Variants in MED15 observed in about 807,000 individuals in gnomAD.
MED15 encodes mediator complex subunit 15.
MED15 carries 41 observed loss-of-function variants against 118.7 expected under a neutral mutation model. That is an observed-to-expected ratio of 0.35 (90% CI 0.27 to 0.45). The LOEUF (loss-of-function observed/expected upper bound fraction) is 0.45, where lower values mean the gene tolerates loss of function less well. MED15 is among the 20% of genes least tolerant of loss of function. The pLI is 1.00. For synonymous variants in MED15, 436 were observed against 413.9 expected (o/e 1.05, Z -0.65); for missense variants, 740 against 1,025.5 (o/e 0.72, Z 3.80).
In MED15 at chr22:20,587,491, A is replaced by C; in HGVS notation, c.*787A>C. 4.1e-6 allele frequency: 1 copy of C among 241,832 alleles called. No homozygotes were observed. The highest frequency in any genetic ancestry group is 8.1e-6 in the Non-Finnish European group (1 of 123,398). The allele number at this position is 241,832 out of a possible 1,614,324, so 15.0% of individuals were successfully genotyped here. A position where few individuals can be genotyped will look rare whatever the true frequency, so the allele number is the denominator to read the frequency against. ...GGCCTGGCAGCGGGCCGGGCCATGC[A>C]GGGAGCGCCTCCCTATGTTGCCTGC... On this transcript the variant is annotated 3_prime_UTR_variant, in exon 18 of 18. Coordinates refer to ENST00000263205, the MANE Select transcript of MED15 (RefSeq NM_001003891.3).
At position 20,582,764 on chromosome 22, in the gene MED15, G is replaced by A. The variant is rs2146675089; in HGVS notation, c.1409+17G>A. On this transcript the variant is annotated intron_variant, in intron 10 of 17. Transcript: ENST00000263205. ...CAACGTCAGGTAGGCCTGGCCTGGG[G>A]TGCCCCTCCCCACCTGGCCCTCGAG... 6.3e-7 allele frequency: 1 copy of A among 1,589,208 alleles called. No individual in the cohort carries two copies. The highest frequency in any genetic ancestry group is 2.2e-5 in the East Asian group (1 of 44,472).
intron 8 of MED15, among the ~76,000 whole-genome samples, chr22:20,570,423 ACT>A (rs561614400): frequency 4.9e-4 from 65 of 132,940 alleles, no homozygotes; most frequent in African/African-American, 1.8e-3. Flanking sequence ...ACAGAGTCTG[ACT>A]CTGTCATCCA....
chr22:20,567,894 G>C (rs2056501868), intron 7 of MED15, among the ~76,000 whole-genome samples: 1 of 152,016 alleles, frequency 6.6e-6, no homozygotes, highest in South Asian at 2.1e-4. Flanking sequence ...CAGGGTCTCT[G>C]TTTTCCAGGC....
chr22:20,580,567 G>A (rs1234416402), intron 9 of MED15, among the ~76,000 whole-genome samples: 1 of 152,170 alleles, frequency 6.6e-6, no homozygotes, highest in Non-Finnish European at 1.5e-5. Flanking sequence ...GAGAGTAGCA[G>A]CAAGTCAAGC....
chr22:20,537,601 GC>G (rs753508604), intron 2 of MED15, among the ~76,000 whole-genome samples: 3 of 152,218 alleles, frequency 2.0e-5, no homozygotes, highest in Admixed American at 6.5e-5. Flanking sequence ...TGAGGCATGG[GC>G]CCAGAAGCAT....
intron 1 of MED15, among the ~76,000 whole-genome samples, chr22:20,529,279 ACT>A (rs1340900159): frequency 1.3e-5 from 2 of 151,972 alleles, no homozygotes; most frequent in Admixed American, 6.6e-5. Flanking sequence ...ACAGAGTCTC[ACT>A]CTGTTACCCA....
rs528789573 is a variant in MED15, at chr22:20,557,903, G to A, written c.451+2755G>A. Among the ~76,000 whole-genome samples the A allele has an allele frequency of 2.0e-3, 306 of 152,278 alleles. 1 individual carries two copies. Among genetic ancestry groups the A allele is most frequent in the African/African-American group, 6.8e-3 (283 of 41,560 alleles). On this transcript the variant is annotated intron_variant, in intron 5 of 17. Transcript: ENST00000263205. ...GGGCGGATCACGAGGTCAGGAGATC[G>A]AGACCATCCTGGCTAACACGGTGAG...
intron 8 of MED15, among the ~76,000 whole-genome samples, chr22:20,570,718 CTCT>C (rs2056618911): frequency 8.1e-6 from 1 of 123,280 alleles, no homozygotes; most frequent in South Asian, 2.8e-4. Context: ...TCTCTTTTTT[CTCT>C]TTTCTTTTCT....
At chr22:20,530,496 A>G (rs942985451) in intron 1 of MED15, among the ~76,000 whole-genome samples, 3 of 152,090 alleles carry the variant, frequency 2.0e-5, no homozygotes, top group African/African-American at 4.8e-5. Flanking sequence ...GAGGACAGAG[A>G]AGCTGGCTGT....
intron 2 of MED15, among the ~76,000 whole-genome samples, chr22:20,543,720 G>T (rs531580613): frequency 1.3e-5 from 2 of 151,252 alleles, no homozygotes; most frequent in Non-Finnish European, 2.9e-5. Context: ...ACCACGCCCG[G>T]CTAATTTTTG....
chr22:20,541,203 C>T (rs2055291911), intron 2 of MED15, among the ~76,000 whole-genome samples: 1 of 152,034 alleles, frequency 6.6e-6, no homozygotes, highest in Non-Finnish European at 1.5e-5. Flanking sequence ...CATGCCACTG[C>T]ACTCCAGACT....
chr22:20,551,748 A>G lies in MED15; in HGVS notation c.208+261A>G, dbSNP rs1569209741. The G allele has an allele frequency of 5.6e-6, 3 of 531,870 alleles. No individual in the cohort carries two copies. The South Asian group carries it at 6.6e-5, about 12-fold the overall frequency. 32.9% of individuals were successfully genotyped at this position (531,870 alleles called of 1,614,324 possible). A position where few individuals can be genotyped will look rare whatever the true frequency, so the allele number is the denominator to read the frequency against. ...AGTGGTCTAAACGGGTTGCTGCTTC[A>G]CTTGCTCACTTAATCTCCCTTTTCA... On this transcript the variant is annotated intron_variant, in intron 3 of 17. Transcript: ENST00000263205.
intron 8 of MED15, among the ~76,000 whole-genome samples, chr22:20,573,222 C>T (rs1246045242): frequency 1.3e-5 from 2 of 152,214 alleles, no homozygotes; most frequent in African/African-American, 4.8e-5. Context: ...CCCGCTTTGG[C>T]CTCCCAAAGT....
At chr22:20,537,661 G>A (rs573455094) in intron 2 of MED15, among the ~76,000 whole-genome samples, 3 of 152,242 alleles carry the variant, frequency 2.0e-5, no homozygotes, top group Non-Finnish European at 4.4e-5. Context: ...TCTAGAACTC[G>A]CCACAGGTGG....
chr22:20,568,261 G>A (rs1464501622), intron 7 of MED15, among the ~76,000 whole-genome samples: 1 of 37,374 alleles, frequency 2.7e-5, no homozygotes, highest in Non-Finnish European at 4.9e-5. Flanking sequence ...TGCATTGGAA[G>A]TCGTCAGTGC....
chr22:20,510,137 A>AGCACTTTG (rs1460009941), intron 1 of MED15, among the ~76,000 whole-genome samples: 9 of 152,300 alleles, frequency 5.9e-5, no homozygotes, highest in African/African-American at 2.2e-4. Flanking sequence ...CTGTAATCCC[A>AGCACTTTG]GCACTTTGGG....
At chr22:20,565,074 G>A (rs1226665490) in intron 6 of MED15, among the ~76,000 whole-genome samples, 9 of 152,352 alleles carry the variant, frequency 5.9e-5, no homozygotes, top group East Asian at 1.9e-4. Flanking sequence ...GCAGTGAGCC[G>A]AGATCGCGCC....
rs986678891 is a variant in MED15, at chr22:20,510,294, G to C, written c.68+2548G>C. ...CCAGCTACTCAAGAGTCTGAGGCAG[G>C]AGAATTGCTTGAACCCGGGAGGCGG... On this transcript the variant is annotated intron_variant, in intron 1 of 17. Coordinates refer to ENST00000263205, the MANE Select transcript of MED15 (RefSeq NM_001003891.3). 5.3e-5 allele frequency among the ~76,000 whole-genome samples: 8 copies of C among 152,142 alleles called. 1 individual carries two copies. In the South Asian group the frequency reaches 1.0e-3, roughly 20 times the overall value.
intron 8 of MED15, among the ~76,000 whole-genome samples, chr22:20,570,363 A>G (rs2056600500): frequency 6.6e-6 from 1 of 150,582 alleles, no homozygotes; most frequent in Non-Finnish European, 1.5e-5. Flanking sequence ...CAGGAAAGTG[A>G]GAACTGCTCT....
Sources: allele counts gnomAD v4.1 joint callset (sites outside exome capture counted in the v4.1 genomes callset), GRCh38; gene constraint gnomAD v4.1.1; transcripts MANE v1.5; gene names NCBI Gene and HGNC (gene_info 2026-07-23, HGNC 2026-07-21).